TTC22: variants seen among roughly 807,000 people sequenced by gnomAD.
TTC22 encodes the protein tetratricopeptide repeat domain 22, also known as tetratricopeptide repeat protein 22.
Under a neutral mutation model 48.2 loss-of-function variants are expected in TTC22, and 42 were observed. The observed-to-expected ratio is 0.87, with a 90% confidence interval of 0.68 to 1.13. TTC22 has a LOEUF of 1.13. Ranked by LOEUF, TTC22 falls within the 50% of genes most tolerant of loss-of-function variation. The pLI is 0.00. For synonymous variants in TTC22, 345 were observed against 365.5 expected, an observed-to-expected ratio of 0.94 and a Z score of 0.64; for missense variants, 784 against 807.0, an observed-to-expected ratio of 0.97 and a Z score of 0.34.
intron 1 of TTC22, among the ~76,000 whole-genome samples, chr1:54,788,988 G>A (rs1391270591): frequency 3.3e-5 from 5 of 152,336 alleles, no homozygotes; most frequent in African/African-American, 7.2e-5. Flanking sequence ...GCCACTCAGT[G>A]CCTGCATGTG....
chr1:54,782,059 A>C lies in TTC22; in HGVS notation c.1173+266T>G, dbSNP rs115790815. 3.2e-3 allele frequency among the ~76,000 whole-genome samples: 480 copies of C among 152,336 alleles called. 4 individuals carry two copies. The highest frequency in any genetic ancestry group is 0.011 in the African/African-American group (451 of 41,582). ...AATTATGATATTGTCACTTCTTGGT[A>C]AACATTCCCTGAACACAGATAGAGA... On this transcript the variant is annotated intron_variant, in intron 6 of 6. Transcript: ENST00000371276.
chr1:54,801,051 G>T lies in TTC22; in HGVS notation c.113C>A (p.Pro38Gln), dbSNP rs144772142. 5.6e-6 allele frequency: 9 copies of T among 1,612,214 alleles called. No individual in the cohort carries two copies. In the African/African-American group the frequency reaches 1.2e-4, roughly 22 times the overall value. Residue 38 changes from proline (P) to glutamine (Q), a missense_variant, in exon 1 of 7, where the codon CCG (proline) becomes CAG (glutamine). Physicochemically the swap from Pro to Gln is moderately conservative, Grantham distance 76. Coordinates refer to ENST00000371276, the MANE Select transcript of TTC22 (RefSeq NM_001114108.2). ...EMQLNFEPRS[P>Q]APQRARDLKL... is the part of the protein sequence containing the mutation. Reference sequence around the variant, plus strand: ...CAGGTCCCGGGCGCGCTGTGGGGCCGGCGAGCGCGGCTCGAAGTTCAACTG... The same window carrying T: ...CAGGTCCCGGGCGCGCTGTGGGGCCTGCGAGCGCGGCTCGAAGTTCAACTG...
At chr1:54,786,460 A>G in intron 4 of TTC22, 1 of 307,944 alleles carries the variant, frequency 3.2e-6, no homozygotes, top group Non-Finnish European at 6.0e-6. Context: ...TTCCTAGGGC[A>G]GGTGAGAGGA....
chr1:54,783,857 G>T (rs1198790857), intron 5 of TTC22, among the ~76,000 whole-genome samples: 2 of 152,064 alleles, frequency 1.3e-5, no homozygotes, highest in Non-Finnish European at 2.9e-5. Context: ...AATTAGCTGG[G>T]CGGGTGTTGT....
chr1:54,786,381 C>T, intron 4 of TTC22: 4 of 459,346 alleles, frequency 8.7e-6, no homozygotes, highest in Non-Finnish European at 1.2e-5. Context: ...GACCACATCA[C>T]CGGTCACATC....
rs1052411095 is a variant in TTC22, at chr1:54,787,269, A to C, written c.740-194T>G. The C allele has an allele frequency of 7.3e-6, 4 of 545,658 alleles. No homozygotes were observed. The African/African-American group carries it at 7.7e-5, about 11-fold the overall frequency. 33.8% of individuals were successfully genotyped at this position (545,658 alleles called of 1,614,324 possible). A position where few individuals can be genotyped will look rare whatever the true frequency, so the allele number is the denominator to read the frequency against. ...TGTGAGGGGTTAGTGAACCCATTTTAGTGCTTATTCTGTGCTCAATGTGTC... is the reference window on the plus strand; with the variant it reads ...TGTGAGGGGTTAGTGAACCCATTTTCGTGCTTATTCTGTGCTCAATGTGTC... On this transcript the variant is annotated intron_variant, in intron 3 of 6. Coordinates refer to ENST00000371276, the MANE Select transcript of TTC22 (RefSeq NM_001114108.2).
At position 54,786,151 on chromosome 1, in the gene TTC22, A is replaced by G. The variant is rs922399989; in HGVS notation, c.859-7T>C. On this transcript the variant is annotated splice_polypyrimidine_tract_variant and splice_region_variant and intron_variant, in intron 4 of 6. Coordinates refer to ENST00000371276, the MANE Select transcript of TTC22 (RefSeq NM_001114108.2). ...TCTTGGCAATCTCAATGGCCTAGGT[A>G]AGGGAGGAGTGCAAAAACAAACCAC... 2.5e-6 allele frequency: 4 copies of G among 1,613,490 alleles called. No homozygotes were observed. The South Asian group carries it at 3.3e-5, about 13-fold the overall frequency.
Position 54,797,345 on chromosome 1 carries a change from T to G in TTC22, c.567+3252A>C, listed in dbSNP as rs1289167617. On this transcript the variant is annotated intron_variant, in intron 1 of 6. Coordinates refer to ENST00000371276, the MANE Select transcript of TTC22 (RefSeq NM_001114108.2). ...AGGGGAGTGATCAAAGCGATCTGCC[T>G]CCTCATATTTTTTGTAATTTAAGAA... is the stretch of plus-strand genomic sequence containing the variant. Among the ~76,000 whole-genome samples the G allele has an allele frequency of 2.6e-5, 4 of 152,280 alleles. No homozygotes were observed. The East Asian group carries it at 7.7e-4, about 29-fold the overall frequency.
chr1:54,784,870 C>T (rs1278666747), intron 5 of TTC22: 4 of 1,225,694 alleles, frequency 3.3e-6, no homozygotes, highest in South Asian at 1.4e-5. Flanking sequence ...GGGACCAGTG[C>T]GGGAAGCTAG....
intron 1 of TTC22, among the ~76,000 whole-genome samples, chr1:54,789,320 A>T (rs938879471): frequency 1.3e-5 from 2 of 152,208 alleles, no homozygotes; most frequent in Non-Finnish European, 2.9e-5. Flanking sequence ...GTCTTGGGTC[A>T]TATTGGCACT....
chr1:54,789,326 G>C (rs1033596555), intron 1 of TTC22, among the ~76,000 whole-genome samples: 3 of 152,236 alleles, frequency 2.0e-5, no homozygotes, highest in Admixed American at 6.5e-5. Context: ...GGTCATATTG[G>C]CACTTCAAAG....
chr1:54,795,363 T>C (rs527464805), intron 1 of TTC22, among the ~76,000 whole-genome samples: 7 of 152,340 alleles, frequency 4.6e-5, no homozygotes, highest in African/African-American at 1.7e-4. Flanking sequence ...GACAGTTCCC[T>C]GCAGATTTTA....
Position 54,781,220 on chromosome 1 carries a change from C to A in TTC22, c.*23G>T, listed in dbSNP as rs1349711660. The A allele has an allele frequency of 4.2e-6, 6 of 1,413,898 alleles. No homozygotes were observed. Among genetic ancestry groups the A allele is most frequent in the African/African-American group, 1.5e-5 (1 of 65,818 alleles). The allele number at this position is 1,413,898 out of a possible 1,614,324, so 87.6% of individuals were successfully genotyped here. ...GGGGCCTGGGCGGGGTCCCAGGGAG[C>A]CTCCGGCCTGGGCACCTGAGCCCTA... On this transcript the variant is annotated 3_prime_UTR_variant, in exon 7 of 7. Coordinates refer to ENST00000371276, the MANE Select transcript of TTC22 (RefSeq NM_001114108.2).
chr1:54,793,648 AG>A (rs1181599738), intron 1 of TTC22, among the ~76,000 whole-genome samples: 1 of 152,076 alleles, frequency 6.6e-6, no homozygotes, highest in Admixed American at 6.5e-5. Context: ...TCACATGTCC[AG>A]TGTAACAGTC....
chr1:54,784,085 C>T (rs556633489), intron 5 of TTC22, among the ~76,000 whole-genome samples: 1 of 152,252 alleles, frequency 6.6e-6, no homozygotes, highest in African/African-American at 2.4e-5. Context: ...CACTAGAAGA[C>T]CTGTAGGAAG....
chr1:54,787,561 C>T, intron 3 of TTC22, 150 bp downstream of exon 3: 1 of 658,850 alleles, frequency 1.5e-6, no homozygotes, highest in East Asian at 2.7e-5. Flanking sequence ...ATGTGGGCTC[C>T]TTGAGGTGCA....
In TTC22 at chr1:54,787,707, C is replaced by T. The variant is rs1398103597; in HGVS notation, c.739+4G>A. 4.3e-6 allele frequency: 7 copies of T among 1,609,424 alleles called. No homozygotes were observed. The highest frequency in any genetic ancestry group is 3.3e-5 in the South Asian group (3 of 90,296). On this transcript the variant is annotated splice_donor_region_variant and intron_variant, in intron 3 of 6. Transcript: ENST00000371276. ...GCTGTCCCACCCATCCCCCGGGTCC[C>T]CACCTCGGTGGCGGGGGTCCTCGGA... is the stretch of plus-strand genomic sequence containing the variant.
chr1:54,789,506 T>G (rs1570112781), intron 1 of TTC22, among the ~76,000 whole-genome samples: 1 of 150,658 alleles, frequency 6.6e-6, no homozygotes, highest in African/African-American at 2.4e-5. Context: ...AAGGGAGGGG[T>G]CCTTGTGAGT....
In TTC22 at chr1:54,801,202, T is replaced by G. The variant is rs374546132; in HGVS notation, c.-39A>C. 4.9e-4 allele frequency: 788 copies of G among 1,596,504 alleles called. No homozygotes were observed. In the Middle Eastern group the frequency reaches 7.5e-3, roughly 15 times the overall value. On this transcript the variant is annotated 5_prime_UTR_variant, in exon 1 of 7. Coordinates refer to ENST00000371276, the MANE Select transcript of TTC22 (RefSeq NM_001114108.2). ...GCTCCCCTGGCCTCACCCTTGTCCC[T>G]GAGGCTGTGGAGGGCAGTGGATGGG...
Sources: allele counts gnomAD v4.1 joint callset (sites outside exome capture counted in the v4.1 genomes callset), GRCh38; gene constraint gnomAD v4.1.1; transcripts MANE v1.5; gene names NCBI Gene and HGNC (gene_info 2026-07-23, HGNC 2026-07-21).